PLOD1: variants seen among roughly 807,000 people sequenced by gnomAD.
PLOD1 encodes the protein procollagen-lysine,2-oxoglutarate 5-dioxygenase 1.
Under a neutral mutation model 94.7 loss-of-function variants are expected in PLOD1, and 70 were observed. The ratio of observed to expected loss-of-function variants is 0.74; its 90% confidence interval spans 0.61 to 0.90. The LOEUF (loss-of-function observed/expected upper bound fraction) is 0.90. Among genes scored for constraint, PLOD1 ranks in the 40% least tolerant of loss-of-function variants. The pLI is 0.00. For missense variants in PLOD1, 905 were observed against 972.7 expected, an observed-to-expected ratio of 0.93 and a Z score of 0.93; for synonymous variants, 417 against 400.2, an observed-to-expected ratio of 1.04 and a Z score of -0.50.
In PLOD1 at chr1:11,970,676, C is replaced by T. The variant is rs367844314; in HGVS notation, c.1762C>T (p.Arg588Cys). The T allele has an allele frequency of 3.1e-6, 5 of 1,613,174 alleles. No individual in the cohort carries two copies. In the Admixed American group the frequency reaches 5.0e-5, roughly 16 times the overall value. Residue 588 changes from arginine to cysteine, a missense_variant, in exon 17 of 19, where the codon CGC becomes TGC. Arg to Cys is a radical substitution (Grantham distance 180, BLOSUM62 -3). Transcript: ENST00000196061. Reference protein sequence around the residue: ...QWSLGNNKDNRIQGGYENVPT... With the variant: ...QWSLGNNKDNCIQGGYENVPT... ...TCACCTCGGTCACCTCCAGGACAAC[C>T]GCATCCAGGGTGGCTACGAGAACGT...
intron 5 of PLOD1, among the ~76,000 whole-genome samples, chr1:11,953,992 G>A (rs1469167389): frequency 6.6e-6 from 1 of 151,366 alleles, no homozygotes; most frequent in Non-Finnish European, 1.5e-5. Flanking sequence ...AGCCTCCTGA[G>A]TAGCTGGGAC....
At chr1:11,950,259 T>G in intron 3 of PLOD1, 98 bp from the exon 4 acceptor site, 3 of 1,213,094 alleles carry the variant, frequency 2.5e-6, no homozygotes, top group Non-Finnish European at 3.6e-6. Context: ...CAGAGGGCCA[T>G]TTGTGGAGCA....
intron 1 of PLOD1, among the ~76,000 whole-genome samples, chr1:11,940,858 C>A (rs948024624): frequency 6.6e-6 from 1 of 152,214 alleles, no homozygotes. Context: ...GGGAAAAGAC[C>A]TCACCACGTG....
At chr1:11,966,415 A>G in intron 15 of PLOD1, 99 bp downstream of exon 15, 2 of 461,038 alleles carry the variant, frequency 4.3e-6, no homozygotes, top group Non-Finnish European at 8.3e-6. Context: ...GGACAGCAGG[A>G]TGGGAGTTGG....
At chr1:11,974,328 G>A (rs372678403) in intron 18 of PLOD1, among the ~76,000 whole-genome samples, 4 of 152,082 alleles carry the variant, frequency 2.6e-5, no homozygotes, top group Non-Finnish European at 5.9e-5. Context: ...GATTACAGGC[G>A]TGCGCTGCTA....
Position 11,970,940 on chromosome 1 carries a change from G to T in PLOD1, c.1902+124G>T, listed in dbSNP as rs1645858911. 9 of 713,008 alleles carry T rather than the reference G, an allele frequency of 1.3e-5. No individual in the cohort carries two copies. In the South Asian group the frequency reaches 1.3e-4, roughly 10 times the overall value. The allele number at this position is 713,008 out of a possible 1,614,324, so 44.2% of individuals were successfully genotyped here. A position where few individuals can be genotyped will look rare whatever the true frequency, so the allele number is the denominator to read the frequency against. On this transcript the variant is annotated intron_variant, in intron 17 of 18. Transcript: ENST00000196061. ...CTGGGAGGGGCCGAGGTGGAGTGAGGGTGTGGGGAGCGTGGGAGGGGCAAG... is the reference window on the plus strand; with the variant it reads ...CTGGGAGGGGCCGAGGTGGAGTGAGTGTGTGGGGAGCGTGGGAGGGGCAAG...
At chr1:11,945,746 T>C (rs1295741491) in intron 1 of PLOD1, among the ~76,000 whole-genome samples, 2 of 152,206 alleles carry the variant, frequency 1.3e-5, no homozygotes, top group Admixed American at 1.3e-4. Context: ...TCTTGCTCTG[T>C]CACCCAGGCT....
Position 11,967,064 on chromosome 1 carries a change from T to G in PLOD1, c.1728T>G (p.Phe576Leu), listed in dbSNP as rs1370492943. The G allele has an allele frequency of 6.2e-7, 1 of 1,613,248 alleles. No homozygotes were observed. The highest frequency in any genetic ancestry group is 2.2e-5 in the East Asian group (1 of 44,874). The change falls in exon 16 of 19, where the codon TTT (phenylalanine) becomes TTG (leucine). Residue 576 changes from phenylalanine to leucine, a missense_variant. Physicochemically the swap from Phe to Leu is conservative, Grantham distance 22 (BLOSUM62 0). Coordinates refer to ENST00000196061, the MANE Select transcript of PLOD1 (RefSeq NM_000302.4). ...CDELVEEMEHFGQWSLGNNKD... is the reference protein window; with the variant it reads ...CDELVEEMEHLGQWSLGNNKD... The stretch of plus-strand genomic sequence containing the variant: ...AGCTGGTGGAGGAGATGGAGCACTT[T>G]GGCCAGTGGTCTCTGGGCAACAACA...
intron 9 of PLOD1, among the ~76,000 whole-genome samples, chr1:11,959,256 A>G (rs1645761391): frequency 6.6e-6 from 1 of 152,048 alleles, no homozygotes; most frequent in Non-Finnish European, 1.5e-5. Context: ...TAGGGATAAT[A>G]ATTGTGCAAT....
intron 1 of PLOD1, chr1:11,944,657 G>GT: frequency 1.5e-6 from 2 of 1,354,110 alleles, no homozygotes; most frequent in Non-Finnish European, 2.0e-6. Context: ...TGGATCCCAG[G>GT]TTCAGGTAGT....
intron 6 of PLOD1, among the ~76,000 whole-genome samples, chr1:11,955,969 G>A (rs555189404): frequency 3.9e-5 from 6 of 151,940 alleles, no homozygotes; most frequent in South Asian, 2.1e-4. Context: ...ACTATGTTGC[G>A]CAGGCTTGTC....
Position 11,966,980 on chromosome 1 carries a change from T to C in PLOD1, c.1651-7T>C. 1 of 1,587,584 alleles carries C rather than the reference T, an allele frequency of 6.3e-7. No individual in the cohort carries two copies. Among genetic ancestry groups the C allele is most frequent in the African/African-American group, 1.3e-5 (1 of 74,476 alleles). On this transcript the variant is annotated splice_region_variant and splice_polypyrimidine_tract_variant and intron_variant, in intron 15 of 18. Transcript: ENST00000196061. Reference sequence around the variant, plus strand: ...GACCCCCTTGACTGAGTCCCTGCCCTCCCCAGCCCTGCCCGGATGTCTATT... The same window carrying C: ...GACCCCCTTGACTGAGTCCCTGCCCCCCCCAGCCCTGCCCGGATGTCTATT...
chr1:11,943,134 C>T (rs576642296), intron 1 of PLOD1, among the ~76,000 whole-genome samples: 31 of 152,046 alleles, frequency 2.0e-4, no homozygotes, highest in South Asian at 1.0e-3. Context: ...TACAGGCTCC[C>T]GCCCACCACC....
rs142647957 is a variant in PLOD1, at chr1:11,963,161, T to C, written c.1098-371T>C. ...TCACAGACCCTCGTTTGCTGAGTCC[T>C]GTACCAGATAAACAAAAGTAACACA... On this transcript the variant is annotated intron_variant, in intron 10 of 18. Coordinates refer to ENST00000196061, the MANE Select transcript of PLOD1 (RefSeq NM_000302.4). This position sits in a 1 kb window ranked among gnomAD's most constrained non-coding sequence, Gnocchi z 4.3. Among the ~76,000 whole-genome samples the C allele has an allele frequency of 4.8e-3, 736 of 152,356 alleles. 24 individuals are homozygous for C. The East Asian group carries it at 0.085, about 18-fold the overall frequency.
At chr1:11,941,476 T>A (rs1645614910) in intron 1 of PLOD1, among the ~76,000 whole-genome samples, 1 of 149,020 alleles carries the variant, frequency 6.7e-6, no homozygotes, top group Non-Finnish European at 1.5e-5. Context: ...GGATTATTAT[T>A]ATTATTATTA....
chr1:11,961,690 G>C, intron 10 of PLOD1, among the ~76,000 whole-genome samples: 1 of 151,864 alleles, frequency 6.6e-6, no homozygotes, highest in East Asian at 1.9e-4. Flanking sequence ...GCTTACTGTA[G>C]CCTCAAACCC....
intron 2 of PLOD1, among the ~76,000 whole-genome samples, chr1:11,949,526 TCTC>T (rs1645682844): frequency 6.6e-6 from 1 of 152,114 alleles, no homozygotes; most frequent in Non-Finnish European, 1.5e-5. Flanking sequence ...TTCAAGCAAT[TCTC>T]CTACTTTAGC....
rs1645824383 is a variant in PLOD1, at chr1:11,967,088, C to T, written c.1752C>T (p.Asn584=). ...TTGGCCAGTGGTCTCTGGGCAACAA[C>T]AAGGTGGGACCCTGATGCCTGGGCT... ...EHFGQWSLGN[N]KDNRIQGGYE... Residue 584 remains asparagine (N), a synonymous_variant, in exon 16 of 19, where the codon AAC becomes AAT. Transcript: ENST00000196061. 2 of 1,598,704 alleles carry T rather than the reference C, an allele frequency of 1.3e-6. No individual in the cohort carries two copies. The highest frequency in any genetic ancestry group is 1.7e-6 in the Non-Finnish European group (2 of 1,165,972).
rs528664570 is a variant in PLOD1, at chr1:11,957,978, C to G, written c.843+35C>G. On this transcript the variant is annotated intron_variant, in intron 8 of 18. Transcript: ENST00000196061. This position sits in a 1 kb window ranked among gnomAD's most constrained non-coding sequence, Gnocchi z 4.1. The stretch of plus-strand genomic sequence containing the variant: ...CGCCCAGGCCTGTGCCTGAGGGACA[C>G]GGGGGGCTCAGTCCCCTGAGATGGC... The G allele has an allele frequency of 3.0e-6, 4 of 1,351,498 alleles. No homozygotes were observed. The allele number at this position is 1,351,498 out of a possible 1,614,324, so 83.7% of individuals were successfully genotyped here.
Sources: allele counts gnomAD v4.1 joint callset (sites outside exome capture counted in the v4.1 genomes callset), GRCh38; gene constraint gnomAD v4.1.1; non-coding constraint Gnocchi (gnomAD v3.1); transcripts MANE v1.5; gene names NCBI Gene and HGNC (gene_info 2026-07-23, HGNC 2026-07-21).